TRUB1: variants seen among roughly 807,000 people sequenced by gnomAD.
TRUB1 encodes pseudouridylate synthase TRUB1.
A neutral mutation model predicts 33.9 loss-of-function variants in TRUB1; 23 were observed. The observed-to-expected ratio is 0.68, with a 90% CI of 0.49 to 0.96. The LOEUF (loss-of-function observed/expected upper bound fraction) is 0.96, where lower values mean the gene tolerates loss of function less well. Ranked by LOEUF, TRUB1 falls within the 40% of genes least tolerant of loss-of-function variation. TRUB1 has a pLI of 0.00. For missense variants in TRUB1, 378 were observed against 422.2 expected (o/e 0.90, Z 0.92); for synonymous variants, 163 against 165.4 (o/e 0.99, Z 0.11).
chr10:114,943,768 A>G (rs1405078593), intron 2 of TRUB1, among the ~76,000 whole-genome samples: 1 of 152,136 alleles, frequency 6.6e-6, no homozygotes, highest in African/African-American at 2.4e-5. Context: ...TCTGAGCTAT[A>G]TATCAATCTT....
intron 6 of TRUB1, 99 bp from the exon 7 acceptor site, chr10:114,974,230 T>C (rs1348577621): frequency 2.4e-6 from 2 of 827,738 alleles, no homozygotes; most frequent in East Asian, 2.5e-5. Flanking sequence ...CTCAATTGTT[T>C]GCATAGTGCA....
At position 114,977,198 on chromosome 10, in the gene TRUB1, T is replaced by G. The variant is rs1259007423; in HGVS notation, c.*1819T>G. On this transcript the variant is annotated 3_prime_UTR_variant, in exon 8 of 8. Coordinates refer to ENST00000298746, the MANE Select transcript of TRUB1 (RefSeq NM_139169.5). The stretch of plus-strand genomic sequence containing the variant: ...GCCAAATGGGAAAATTACTGTTACC[T>G]CTACCATCTTAATGTAGTAACTTTA... 6.6e-6 allele frequency: 1 copy of G among 152,176 alleles called. No homozygotes were observed. Among genetic ancestry groups the G allele is most frequent in the Non-Finnish European group, 1.5e-5 (1 of 68,018 alleles). The allele number at this position is 152,176 out of a possible 1,614,324, so 9.4% of individuals were successfully genotyped here.
Position 114,975,234 on chromosome 10 carries a change from A to G in TRUB1, c.905A>G (p.Gln302Arg). The change falls in exon 8 of 8, where the codon CAG (glutamine) becomes CGG (arginine). Residue 302 changes from glutamine (Q) to arginine (R), a missense_variant. Physicochemically the swap from Gln to Arg is conservative, Grantham distance 43 (BLOSUM62 1). Transcript: ENST00000298746. Reference sequence around the variant, plus strand: ...AAATGGACAATTGATGACATTGCACAGTCTCTTGAGCATTGCTCATCTCTT... The same window carrying G: ...AAATGGACAATTGATGACATTGCACGGTCTCTTGAGCATTGCTCATCTCTT... ...EDKWTIDDIAQSLEHCSSLFP... is the reference protein window; with the variant it reads ...EDKWTIDDIARSLEHCSSLFP... 6.2e-7 allele frequency: 1 copy of G among 1,613,756 alleles called. No homozygotes were observed. Among genetic ancestry groups the G allele is most frequent in the Non-Finnish European group, 8.5e-7 (1 of 1,179,722 alleles).
At chr10:114,961,567 AG>A (rs1014610094) in intron 4 of TRUB1, among the ~76,000 whole-genome samples, 1 of 152,220 alleles carries the variant, frequency 6.6e-6, no homozygotes, top group African/African-American at 2.4e-5. Context: ...CTTACCTTAA[AG>A]AAAGCTCAGT....
intron 1 of TRUB1, among the ~76,000 whole-genome samples, chr10:114,938,775 TAC>T (rs1167426383): frequency 2.6e-5 from 4 of 152,230 alleles, no homozygotes; most frequent in Non-Finnish European, 5.9e-5. Context: ...ATCCCGTACT[TAC>T]ACAATAAAAC....
At chr10:114,966,362 G>T (rs2084309181) in intron 4 of TRUB1, among the ~76,000 whole-genome samples, 1 of 152,120 alleles carries the variant, frequency 6.6e-6, no homozygotes, top group Non-Finnish European at 1.5e-5. Context: ...TTTTAAACCA[G>T]TACCACACTG....
chr10:114,962,052 G>T (rs2084286960), intron 4 of TRUB1, among the ~76,000 whole-genome samples: 1 of 152,158 alleles, frequency 6.6e-6, no homozygotes, highest in Non-Finnish European at 1.5e-5. Flanking sequence ...AATAAAGTAG[G>T]TGCATTCATA....
intron 2 of TRUB1, among the ~76,000 whole-genome samples, chr10:114,947,447 A>T (rs533679767): frequency 1.2e-4 from 19 of 152,306 alleles, no homozygotes; most frequent in South Asian, 4.1e-4. Context: ...TTTCAAAAAA[A>T]TTTTTTTAAC....
At chr10:114,941,204 T>G (rs969609381) in intron 1 of TRUB1, among the ~76,000 whole-genome samples, 3 of 152,216 alleles carry the variant, frequency 2.0e-5, no homozygotes, top group Non-Finnish European at 2.9e-5. Flanking sequence ...CTCTTCTTTC[T>G]CACTTGAAGT....
rs150934372 is a variant in TRUB1 at position 114,972,476 on chromosome 10, G to A, written c.736+202G>A. Among the ~76,000 whole-genome samples the A allele has an allele frequency of 9.9e-5, 15 of 152,214 alleles. No individual in the cohort carries two copies. In the East Asian group the frequency reaches 1.5e-3, roughly 16 times the overall value. On this transcript the variant is annotated intron_variant, in intron 6 of 7. Transcript: ENST00000298746. ...TAGCTATATGGAGGTTCAGAAATGC[G>A]TTTCTAACTGGGCTGACTTTTTCAT...
rs771602231 is a variant in TRUB1, at chr10:114,970,353, G to C, written c.524-15G>C. 6.3e-7 allele frequency: 1 copy of C among 1,579,504 alleles called. No individual in the cohort carries two copies. Among genetic ancestry groups the C allele is most frequent in the Admixed American group, 1.7e-5 (1 of 58,018 alleles). On this transcript the variant is annotated splice_polypyrimidine_tract_variant and intron_variant, in intron 4 of 7. Coordinates refer to ENST00000298746, the MANE Select transcript of TRUB1 (RefSeq NM_139169.5). ...CTGTGGTTGTTTTAGTGTCTTTTTT[G>C]TTGATTTTTGGCAGATAAAATAACA...
Position 114,971,682 on chromosome 10 carries a change from C to G in TRUB1, c.597-453C>G, listed in dbSNP as rs749247540. Among the ~76,000 whole-genome samples, 31 of 152,032 alleles carry G rather than the reference C, an allele frequency of 2.0e-4. 1 individual carries two copies. The Middle Eastern group carries it at 9.5e-3, about 47-fold the overall frequency. On this transcript the variant is annotated intron_variant, in intron 5 of 7. Transcript: ENST00000298746. ...TAAGATACGCTAAGTAGGTTATTTG[C>G]TTATTAGCTTCTTAGAAATGTTTTG...
rs2084365706 is a variant in TRUB1 at position 114,977,326 on chromosome 10, A to G, written c.*1947A>G. The G allele has an allele frequency of 6.6e-6, 1 of 152,058 alleles. No homozygotes were observed. 9.4% of individuals were successfully genotyped at this position (152,058 alleles called of 1,614,324 possible). On this transcript the variant is annotated 3_prime_UTR_variant, in exon 8 of 8. Transcript: ENST00000298746. ...TTTTCATTTGATATTATCTATATGT[A>G]TGTAGTTGTGATAATGATTATTTTA... is the stretch of plus-strand genomic sequence containing the variant.
chr10:114,973,914 C>T (rs1486748791), intron 6 of TRUB1, among the ~76,000 whole-genome samples: 1 of 152,116 alleles, frequency 6.6e-6, no homozygotes, highest in East Asian at 1.9e-4. Context: ...TTTTAAAAAT[C>T]TACCGCTCAT....
chr10:114,962,147 C>T (rs1426798194), intron 4 of TRUB1, among the ~76,000 whole-genome samples: 6 of 152,152 alleles, frequency 3.9e-5, no homozygotes, highest in Admixed American at 2.0e-4. Context: ...CCTCTGCTTC[C>T]TGGGTTCAAG....
chr10:114,940,498 C>T (rs369863336), intron 1 of TRUB1, among the ~76,000 whole-genome samples: 2 of 152,288 alleles, frequency 1.3e-5, no homozygotes, highest in East Asian at 1.9e-4. Flanking sequence ...CCTCTAATAC[C>T]ATTCCTTGTC....
At position 114,938,424 on chromosome 10, in the gene TRUB1, C is replaced by T. The variant is rs759584877; in HGVS notation, c.171C>T (p.Ser57=). ...GGACCGGATCCGAAGCCAGGGTCTC[C>T]AAGGCCGCTTTGGCTACCAAGCTGC... ...AARTGSEARV[S]KAALATKLLS... Residue 57 remains serine (S), a synonymous_variant, in exon 1 of 8, where the codon TCC becomes TCT. Coordinates refer to ENST00000298746, the MANE Select transcript of TRUB1 (RefSeq NM_139169.5). 10 of 1,598,018 alleles carry T rather than the reference C, an allele frequency of 6.3e-6. No individual in the cohort carries two copies. In the South Asian group the frequency reaches 1.0e-4, roughly 16 times the overall value.
chr10:114,953,326 A>G (rs1174436915), intron 3 of TRUB1, among the ~76,000 whole-genome samples: 1 of 152,206 alleles, frequency 6.6e-6, no homozygotes, highest in African/African-American at 2.4e-5. Flanking sequence ...GTTCTTAGGT[A>G]TTTCAAAAAT....
Position 114,976,886 on chromosome 10 carries a change from A to G in TRUB1, c.*1507A>G, listed in dbSNP as rs2084363525. ...ACACAAAGTCATAAAATGAAAATTT[A>G]CAGTTTTACCTGTTCATATCTAGTG... On this transcript the variant is annotated 3_prime_UTR_variant, in exon 8 of 8. Coordinates refer to ENST00000298746, the MANE Select transcript of TRUB1 (RefSeq NM_139169.5). 2 of 152,206 alleles carry G rather than the reference A, an allele frequency of 1.3e-5. No homozygotes were observed. The highest frequency in any genetic ancestry group is 6.6e-5 in the Admixed American group (1 of 15,266). The allele number at this position is 152,206 out of a possible 1,614,324, so 9.4% of individuals were successfully genotyped here.
Sources: allele counts gnomAD v4.1 joint callset (sites outside exome capture counted in the v4.1 genomes callset), GRCh38; gene constraint gnomAD v4.1.1; transcripts MANE v1.5; gene names NCBI Gene and HGNC (gene_info 2026-07-23, HGNC 2026-07-21).